The following PPP2R3A variants were observed in gnomAD, a reference collection of about 807,000 sequenced individuals.
PPP2R3A encodes protein phosphatase 2 regulatory subunit B''alpha, also known as serine/threonine-protein phosphatase 2A regulatory subunit B'' subunit alpha.
A neutral mutation model predicts 106.9 loss-of-function variants in PPP2R3A; 80 were observed. The ratio of observed to expected loss-of-function variants is 0.75; its 90% CI spans 0.62 to 0.90. The LOEUF is 0.90. Ranked by LOEUF, PPP2R3A falls within the 40% of genes least tolerant of loss-of-function variation. PPP2R3A has a pLI of 0.00. For synonymous variants in PPP2R3A, 483 were observed against 468.3 expected, an observed-to-expected ratio of 1.03 and a Z score of -0.41; for missense variants, 1,386 against 1,350.4, an observed-to-expected ratio of 1.03 and a Z score of -0.41.
intron 6 of PPP2R3A, among the ~76,000 whole-genome samples, chr3:136,077,027 G>A (rs941579276): frequency 6.6e-6 from 1 of 152,106 alleles, no homozygotes; most frequent in Non-Finnish European, 1.5e-5. Flanking sequence ...GTGTTTGGAG[G>A]TGATGATGGT....
In PPP2R3A at chr3:135,981,936, A is replaced by T. The variant is rs1022352358; in HGVS notation, c.-441+16087A>T. On this transcript the variant is annotated intron_variant, in intron 1 of 13. Coordinates refer to ENST00000264977, the MANE Select transcript of PPP2R3A (RefSeq NM_002718.5). ...TCAAAATGCATTTAAACAGGAAAGCAATTCACTCTGATTTGTATTACTCTG... is the reference window on the plus strand; with the variant it reads ...TCAAAATGCATTTAAACAGGAAAGCTATTCACTCTGATTTGTATTACTCTG... Among the ~76,000 whole-genome samples the T allele has an allele frequency of 2.6e-5, 4 of 151,724 alleles. 1 individual carries two copies. Among genetic ancestry groups the T allele is most frequent in the African/African-American group, 4.9e-5 (2 of 40,980 alleles).
chr3:136,029,470 G>C (rs906997639), intron 3 of PPP2R3A, among the ~76,000 whole-genome samples: 1 of 152,158 alleles, frequency 6.6e-6, no homozygotes. Flanking sequence ...AAAGCCTAAA[G>C]ACTCCACAGT....
chr3:136,032,894 T>A (rs1934950624), intron 3 of PPP2R3A, among the ~76,000 whole-genome samples: 1 of 152,218 alleles, frequency 6.6e-6, no homozygotes, highest in Non-Finnish European at 1.5e-5. Context: ...TTGCTCTGAC[T>A]AGGACTTCCA....
rs1938375740 is a variant in PPP2R3A, at chr3:136,130,641, C to G, written c.3330-14402C>G. On this transcript the variant is annotated intron_variant, in intron 13 of 13. Coordinates refer to ENST00000264977, the MANE Select transcript of PPP2R3A (RefSeq NM_002718.5). The stretch of plus-strand genomic sequence containing the variant: ...TTCAAGCTACCAATGACTTTCTTCA[C>G]AAAATTGGAAAAAACTACTTTAAAA... 1.3e-5 allele frequency among the ~76,000 whole-genome samples: 2 copies of G among 152,042 alleles called. 1 individual carries two copies. Among genetic ancestry groups the G allele is most frequent in the Non-Finnish European group, 2.9e-5 (2 of 68,010 alleles).
intron 2 of PPP2R3A, among the ~76,000 whole-genome samples, chr3:136,025,538 A>G (rs1482034531): frequency 6.6e-6 from 1 of 152,110 alleles, no homozygotes; most frequent in Non-Finnish European, 1.5e-5. Flanking sequence ...ATTTTCATAT[A>G]TTTATATGAA....
intron 6 of PPP2R3A, among the ~76,000 whole-genome samples, chr3:136,072,526 A>T (rs1936470024): frequency 2.0e-5 from 3 of 152,182 alleles, no homozygotes; most frequent in Non-Finnish European, 4.4e-5. Flanking sequence ...CAGGAGGTGG[A>T]GGTTGCAGTG....
chr3:135,980,352 T>A (rs1937525150), intron 1 of PPP2R3A, among the ~76,000 whole-genome samples: 1 of 151,504 alleles, frequency 6.6e-6, no homozygotes, highest in African/African-American at 2.4e-5. Context: ...GAACGAAATA[T>A]CTTGCTCAGT....
intron 2 of PPP2R3A, among the ~76,000 whole-genome samples, chr3:136,010,009 G>T (rs1223672713): frequency 6.6e-6 from 1 of 152,054 alleles, no homozygotes; most frequent in East Asian, 1.9e-4. Flanking sequence ...GTCCTACTGT[G>T]TTTCCCTAGT....
At chr3:136,067,873 G>C (rs1170178125) in intron 5 of PPP2R3A, among the ~76,000 whole-genome samples, 1 of 152,148 alleles carries the variant, frequency 6.6e-6, no homozygotes, top group Non-Finnish European at 1.5e-5. Flanking sequence ...GAAAATACAA[G>C]ATAAACATGG....
At chr3:136,103,595 C>A (rs1291112245) in intron 12 of PPP2R3A, among the ~76,000 whole-genome samples, 3 of 152,160 alleles carry the variant, frequency 2.0e-5, no homozygotes, top group African/African-American at 4.8e-5. Flanking sequence ...TAAGCACTTT[C>A]CACTGAGCGG....
At chr3:136,035,681 A>G (rs1447234689) in intron 3 of PPP2R3A, among the ~76,000 whole-genome samples, 1 of 152,156 alleles carries the variant, frequency 6.6e-6, no homozygotes, top group African/African-American at 2.4e-5. Flanking sequence ...TTAACTTTAG[A>G]TTACCTGATG....
chr3:135,992,921 A>G (rs1254818419), intron 1 of PPP2R3A, among the ~76,000 whole-genome samples: 2 of 152,180 alleles, frequency 1.3e-5, no homozygotes, highest in Non-Finnish European at 2.9e-5. Context: ...GTGAATTTTC[A>G]AAGGGCAGGT....
chr3:136,105,014 T>G (rs1440377782), intron 12 of PPP2R3A, among the ~76,000 whole-genome samples: 1 of 152,208 alleles, frequency 6.6e-6, no homozygotes, highest in African/African-American at 2.4e-5. Flanking sequence ...TAGTCAGTGC[T>G]TAATAAATTC....
chr3:136,095,158 G>A (rs887075033), intron 10 of PPP2R3A, among the ~76,000 whole-genome samples: 1 of 151,876 alleles, frequency 6.6e-6, no homozygotes, highest in East Asian at 1.9e-4. Context: ...ATGGGGGGAG[G>A]TCCCCTCAGT....
rs1182289144 is a variant in PPP2R3A, at chr3:136,119,864, A to G, written c.3329+13542A>G. ...CCAGCAATTCCATTACTGAGTATGT[A>G]CCCAAAGGGTTATAAATCATTCTGA... is the stretch of plus-strand genomic sequence containing the variant. On this transcript the variant is annotated intron_variant, in intron 13 of 13. Coordinates refer to ENST00000264977, the MANE Select transcript of PPP2R3A (RefSeq NM_002718.5). Among the ~76,000 whole-genome samples, 3 of 152,224 alleles carry G rather than the reference A, an allele frequency of 2.0e-5. 1 individual carries two copies. The highest frequency in any genetic ancestry group is 1.5e-5 in the Non-Finnish European group (1 of 68,054).
In PPP2R3A at chr3:136,003,406, T is replaced by C; in HGVS notation, c.1908T>C (p.Asn636=). Residue 636 remains asparagine (N), a synonymous_variant, in exon 2 of 14, where the codon AAT becomes AAC. Coordinates refer to ENST00000264977, the MANE Select transcript of PPP2R3A (RefSeq NM_002718.5). ...CCTTGACAACTTCCTCCCAGGCCAA[T>C]TTATCAGTCTGTAGAAGTCCTGTTG... The part of the protein sequence containing the change: ...QETLTTSSQA[N]LSVCRSPVGD... 1 of 1,613,976 alleles carries C rather than the reference T, an allele frequency of 6.2e-7. No individual in the cohort carries two copies.
At chr3:136,142,027 T>A (rs939488048) in intron 13 of PPP2R3A, among the ~76,000 whole-genome samples, 1 of 152,142 alleles carries the variant, frequency 6.6e-6, no homozygotes, top group African/African-American at 2.4e-5. Context: ...GCCATCTATA[T>A]AGTAGGCAGC....
chr3:136,013,186 GTATGTATGTATGTA>G (rs1559868801), intron 2 of PPP2R3A, among the ~76,000 whole-genome samples: 10 of 143,232 alleles, frequency 7.0e-5, no homozygotes, highest in South Asian at 6.8e-4. Context: ...GTGTGTGTAT[GTATGTATGTATGTA>G]TGTATGTATG....
intron 6 of PPP2R3A, among the ~76,000 whole-genome samples, 187 bp from the exon 7 acceptor site, chr3:136,078,180 G>C (rs1357205800): frequency 1.3e-5 from 2 of 152,212 alleles, no homozygotes; most frequent in Non-Finnish European, 2.9e-5. Context: ...TGGAAGTACA[G>C]AGGCAAATCC....
Sources: allele counts gnomAD v4.1 joint callset (sites outside exome capture counted in the v4.1 genomes callset), GRCh38; gene constraint gnomAD v4.1.1; transcripts MANE v1.5; gene names NCBI Gene and HGNC (gene_info 2026-07-23, HGNC 2026-07-21).